Variants in SP3 observed in about 807,000 individuals in gnomAD.
SP3 encodes the protein transcription factor Sp3.
Under a neutral mutation model 70.3 loss-of-function variants are expected in SP3, and 10 were observed. The ratio of observed to expected loss-of-function variants is 0.14; its 90% confidence interval spans 0.09 to 0.24. SP3 has a LOEUF of 0.24. Among genes scored for constraint, SP3 ranks in the 10% least tolerant of loss-of-function variants. The probability of loss-of-function intolerance (pLI) is 1.00; values close to 1 mark genes in which losing one functional copy is unlikely to be tolerated. For synonymous variants in SP3, 402 were observed against 333.5 expected, an observed-to-expected ratio of 1.21 and a Z score of -2.24; for missense variants, 825 against 914.6, an observed-to-expected ratio of 0.90 and a Z score of 1.26.
At chr2:173,954,702 GAATA>G (rs1211651046) in intron 4 of SP3, among the ~76,000 whole-genome samples, 167 bp downstream of exon 4, 1 of 152,142 alleles carries the variant, frequency 6.6e-6, no homozygotes, top group Admixed American at 6.5e-5. Flanking sequence ...AACTTTCAAA[GAATA>G]ATTTGGAAGA....
At chr2:173,930,355 C>T (rs1690034592) in intron 4 of SP3, among the ~76,000 whole-genome samples, 1 of 151,986 alleles carries the variant, frequency 6.6e-6, no homozygotes, top group African/African-American at 2.4e-5. Context: ...TTGCTTGAGC[C>T]CAGGAATTTG....
Position 173,963,774 on chromosome 2 carries a change from G to T in SP3, c.266C>A (p.Ala89Asp). Residue 89 changes from alanine (A) to aspartate (D), a missense_variant, in exon 3 of 7, where the codon GCC becomes GAC. By Grantham distance (126) the Ala-to-Asp change is moderately radical. Transcript: ENST00000310015. ...CGCGGGACTTACCGCTCCGGCGGCG[G>T]CGGGGGCCCCGGCTGCGGCGGCCGC... ...EEAAAAAGAPAAAGATGDLAS... is the reference protein window; with the variant it reads ...EEAAAAAGAPDAAGATGDLAS... 1 of 1,327,280 alleles carries T rather than the reference G, an allele frequency of 7.5e-7. No homozygotes were observed. The highest frequency in any genetic ancestry group is 9.8e-7 in the Non-Finnish European group (1 of 1,022,604). The allele number at this position is 1,327,280 out of a possible 1,614,324, so 82.2% of individuals were successfully genotyped here.
chr2:173,919,802 T>A (rs2105460728), intron 4 of SP3, among the ~76,000 whole-genome samples: 1 of 151,844 alleles, frequency 6.6e-6, no homozygotes, highest in African/African-American at 2.4e-5. Flanking sequence ...TTCATCTGTA[T>A]CTTCTAAAAG....
intron 4 of SP3, among the ~76,000 whole-genome samples, chr2:173,951,778 T>G (rs1690717641): frequency 6.6e-6 from 1 of 152,228 alleles, no homozygotes; most frequent in African/African-American, 2.4e-5. Context: ...CTTTCTATAC[T>G]GTTATTGGTC....
chr2:173,948,531 G>T (rs7558122), intron 4 of SP3, among the ~76,000 whole-genome samples: 5,751 of 152,042 alleles, frequency 0.038, 169 homozygotes, highest in Admixed American at 0.1. Flanking sequence ...TGATAAGGGG[G>T]GCGACTATTC....
intron 5 of SP3, 128 bp downstream of exon 5, chr2:173,918,465 G>T: frequency 2.5e-6 from 2 of 787,652 alleles, no homozygotes; most frequent in African/African-American, 1.7e-5. Context: ...TCTGCCACAC[G>T]CATACACACA....
At chr2:173,949,529 T>C (rs16862207) in intron 4 of SP3, among the ~76,000 whole-genome samples, 1,793 of 152,210 alleles carry the variant, frequency 0.012, 44 homozygotes, top group African/African-American at 0.042. Context: ...ACCGTGAGAA[T>C]AGTAAATAGA....
At chr2:173,945,773 T>A (rs945026146) in intron 4 of SP3, among the ~76,000 whole-genome samples, 2 of 152,182 alleles carry the variant, frequency 1.3e-5, no homozygotes, top group Admixed American at 6.5e-5. Context: ...GATCACACAC[T>A]GAGAACCACT....
At chr2:173,939,834 T>A (rs1020852596) in intron 4 of SP3, among the ~76,000 whole-genome samples, 2 of 150,190 alleles carry the variant, frequency 1.3e-5, no homozygotes, top group Admixed American at 6.6e-5. Flanking sequence ...GTAAAAATTT[T>A]TTTTAAAAAT....
chr2:173,955,350 C>T lies in SP3; in HGVS notation c.1162G>A (p.Val388Ile). 4 of 1,613,924 alleles carry T rather than the reference C, an allele frequency of 2.5e-6. No homozygotes were observed. The highest frequency in any genetic ancestry group is 3.4e-6 in the Non-Finnish European group (4 of 1,179,982). Residue 388 changes from valine to isoleucine, a missense_variant, in exon 4 of 7, where the codon GTT (valine) becomes ATT (isoleucine). This residue lies in a region of SP3 where 678 missense variants were observed against 651.6 expected (regional missense o/e 1.04). Coordinates refer to ENST00000310015, the MANE Select transcript of SP3 (RefSeq NM_003111.5). ...TGTACAACAGGCTGTGCTGTAGAAA[C>T]CTGAATATTCTGTGCCTGTGTCTCT... ...SEETQAQNIQ[V>I]STAQPVVQHL...
rs1296565899 is a variant in SP3 at position 173,909,133 on chromosome 2, T to TTTGGTCCTCCAATAG, written c.*793_*807dup. 4 of 152,602 alleles carry TTTGGTCCTCCAATAG rather than the reference T, an allele frequency of 2.6e-5. No individual in the cohort carries two copies. Among genetic ancestry groups the TTTGGTCCTCCAATAG allele is most frequent in the African/African-American group, 9.6e-5 (4 of 41,460 alleles). 9.5% of individuals were successfully genotyped at this position (152,602 alleles called of 1,614,324 possible). On this transcript the variant is annotated 3_prime_UTR_variant, in exon 7 of 7. Transcript: ENST00000310015. ...GCTAAGACGCAATACACCTTATTTT[T>TTTGGTCCTCCAATAG]TTGGTCCTCCAATAGTCAAGAAAAG...
At chr2:173,922,962 TG>T (rs1453866901) in intron 4 of SP3, among the ~76,000 whole-genome samples, 1 of 152,244 alleles carries the variant, frequency 6.6e-6, no homozygotes, top group Non-Finnish European at 1.5e-5. Context: ...TAAGGGTACC[TG>T]AAGTATTTGT....
At chr2:173,947,937 T>C (rs1303873923) in intron 4 of SP3, among the ~76,000 whole-genome samples, 1 of 152,324 alleles carries the variant, frequency 6.6e-6, no homozygotes, top group South Asian at 2.1e-4. Context: ...GGTTCAGATG[T>C]GGTGGTCGTA....
Position 173,901,725 on chromosome 2 carries a change from G to T in SP3, c.*8216C>A, listed in dbSNP as rs1315044734. On this transcript the variant is annotated 3_prime_UTR_variant, in exon 7 of 7. Coordinates refer to ENST00000310015, the MANE Select transcript of SP3 (RefSeq NM_003111.5). ...TTTTTTTTTTTTTTTTTTTTGAGAC[G>T]AAATCTTGCTCTGTCGCCCAGGCTG... Among the ~76,000 whole-genome samples, 5 of 100,166 alleles carry T rather than the reference G, an allele frequency of 5.0e-5. No individual in the cohort carries two copies. The highest frequency in any genetic ancestry group is 7.3e-5 in the Non-Finnish European group (4 of 54,648). 65.7% of individuals were successfully genotyped at this position (100,166 alleles called of 152,430 possible). A position where few individuals can be genotyped will look rare whatever the true frequency, so the allele number is the denominator to read the frequency against.
At chr2:173,927,591 T>C (rs545322579) in intron 4 of SP3, among the ~76,000 whole-genome samples, 2 of 152,310 alleles carry the variant, frequency 1.3e-5, no homozygotes, top group South Asian at 4.1e-4. Context: ...ATCATTCTTA[T>C]AACTTGTTGA....
chr2:173,915,438 T>G (rs1689596891), intron 5 of SP3: 1 of 152,162 alleles, frequency 6.6e-6, no homozygotes, highest in South Asian at 2.1e-4. Flanking sequence ...ATTTAAAGTT[T>G]TCTTCTTGAT....
At position 173,939,764 on chromosome 2, in the gene SP3, C is replaced by CA. The variant is rs3045251; in HGVS notation, c.1639+15108dup. Among the ~76,000 whole-genome samples the CA allele has an allele frequency of 1.1e-3, 76 of 70,198 alleles. 3 individuals are homozygous for CA. Among genetic ancestry groups the CA allele is most frequent in the South Asian group, 2.0e-3 (3 of 1,486 alleles). The allele number at this position is 70,198 out of a possible 152,430, so 46.1% of individuals were successfully genotyped here. A position where few individuals can be genotyped will look rare whatever the true frequency, so the allele number is the denominator to read the frequency against. On this transcript the variant is annotated intron_variant, in intron 4 of 6. Transcript: ENST00000310015. ...TGAGCAACAGAGCAAGACTCCAACT[C>CA]AAAAAAAAAAAAAAAAAAGTTACAC... is the stretch of plus-strand genomic sequence containing the variant.
chr2:173,942,856 ATGT>A (rs1168401495), intron 4 of SP3, among the ~76,000 whole-genome samples: 3 of 152,182 alleles, frequency 2.0e-5, no homozygotes, highest in Non-Finnish European at 4.4e-5. Context: ...TAAATCAAAA[ATGT>A]TTTTTTAAAA....
chr2:173,921,343 C>T (rs914033554), intron 4 of SP3, among the ~76,000 whole-genome samples: 7 of 152,126 alleles, frequency 4.6e-5, no homozygotes, highest in African/African-American at 1.7e-4. Flanking sequence ...TGTATGGCTA[C>T]GATGTGCCAG....
Sources: gnomAD v4.1 joint callset for allele counts (sites outside exome capture counted in the v4.1 genomes callset) on GRCh38, gnomAD v4.1.1 for gene constraint, gnomAD v4.1.1 regional missense constraint, MANE v1.5 for transcripts, NCBI Gene and HGNC (gene_info 2026-07-23, HGNC 2026-07-21) for gene names.